VAMP7: variants seen among roughly 807,000 people sequenced by gnomAD.
VAMP7 encodes vesicle associated membrane protein 7, also known as vesicle-associated membrane protein 7.
VAMP7 carries 14 observed loss-of-function variants against 29.6 expected under a neutral mutation model. The observed-to-expected ratio is 0.47, with a 90% CI of 0.31 to 0.74. The LOEUF is 0.74. Among genes scored for constraint, VAMP7 ranks in the 30% least tolerant of loss-of-function variants. The pLI, the probability that VAMP7 is intolerant of heterozygous loss-of-function variation, is 0.05. For missense variants in VAMP7, 223 were observed against 262.4 expected (o/e 0.85, Z 1.04); for synonymous variants, 95 against 88.1 (o/e 1.08, Z -0.44).
At chrX:155,925,600 G>A (rs1416805555) in intron 6 of VAMP7, among the ~76,000 whole-genome samples, 2 of 152,238 alleles carry the variant, frequency 1.3e-5, no homozygotes, top group Non-Finnish European at 2.9e-5. Flanking sequence ...TATGCAAGAT[G>A]AACATTGGTT....
chrX:155,909,308 A>AG (rs2066199369), intron 5 of VAMP7, among the ~76,000 whole-genome samples: 1 of 152,058 alleles, frequency 6.6e-6, no homozygotes, highest in Admixed American at 6.6e-5. Context: ...TTCATTTTGT[A>AG]AGTTTGGTGG....
intron 4 of VAMP7, 81 bp from the exon 5 acceptor site, chrX:155,900,416 T>C: frequency 9.2e-7 from 1 of 1,082,602 alleles, no homozygotes; most frequent in Non-Finnish European, 1.4e-6. Flanking sequence ...TTCCTCAGTG[T>C]AAATTGTCAT....
At chrX:155,919,480 G>C (rs1297798421) in intron 5 of VAMP7, among the ~76,000 whole-genome samples, 1 of 152,116 alleles carries the variant, frequency 6.6e-6, no homozygotes, top group African/African-American at 2.4e-5. Context: ...CTATGGTGTT[G>C]GTTGGGCAGG....
chrX:155,906,914 C>A (rs1287616938), intron 5 of VAMP7, among the ~76,000 whole-genome samples: 1 of 152,134 alleles, frequency 6.6e-6, no homozygotes, highest in Non-Finnish European at 1.5e-5. Flanking sequence ...CTTGAAGAAT[C>A]TTCCACAATT....
intron 3 of VAMP7, among the ~76,000 whole-genome samples, chrX:155,896,821 T>C (rs2065994212): frequency 6.6e-6 from 1 of 152,198 alleles, no homozygotes; most frequent in South Asian, 2.1e-4. Context: ...TCCTAATCTT[T>C]ATTGTATCAC....
At chrX:155,902,091 C>T (rs2066071313) in intron 5 of VAMP7, among the ~76,000 whole-genome samples, 1 of 152,080 alleles carries the variant, frequency 6.6e-6, no homozygotes, top group Admixed American at 6.6e-5. Context: ...CCTTCACATC[C>T]CTTGTAAGTT....
At chrX:155,915,999 T>G (rs1333105472) in intron 5 of VAMP7, among the ~76,000 whole-genome samples, 1 of 152,184 alleles carries the variant, frequency 6.6e-6, no homozygotes, top group East Asian at 1.9e-4. Context: ...TGAGTCTCTT[T>G]GTAGGTCTGT....
chrX:155,942,243 T>A lies in VAMP7; in HGVS notation c.*292T>A. 2 of 1,424,458 alleles carry A rather than the reference T, an allele frequency of 1.4e-6. No individual in the cohort carries two copies. The highest frequency in any genetic ancestry group is 5.0e-5 in the East Asian group (2 of 40,114). The allele number at this position is 1,424,458 out of a possible 1,614,324, so 88.2% of individuals were successfully genotyped here. On this transcript the variant is annotated 3_prime_UTR_variant, in exon 8 of 8. Coordinates refer to ENST00000286448, the MANE Select transcript of VAMP7 (RefSeq NM_005638.6). ...ATCTATTTAGAGAAACATTTTTGTTTTTAATTGCTCAAAGCTGTCGCCGCT... is the reference window on the plus strand; with the variant it reads ...ATCTATTTAGAGAAACATTTTTGTTATTAATTGCTCAAAGCTGTCGCCGCT...
intron 5 of VAMP7, among the ~76,000 whole-genome samples, chrX:155,912,843 T>C (rs1280864604): frequency 6.6e-6 from 1 of 152,178 alleles, no homozygotes; most frequent in Admixed American, 6.5e-5. Context: ...GTCTTTATAG[T>C]AAAATGATTT....
At chrX:155,922,558 A>G (rs1473147599) in intron 6 of VAMP7, among the ~76,000 whole-genome samples, 2 of 152,068 alleles carry the variant, frequency 1.3e-5, no homozygotes, top group African/African-American at 4.8e-5. Context: ...CATTCCTGCA[A>G]GGTCATGACT....
intron 5 of VAMP7, among the ~76,000 whole-genome samples, chrX:155,906,637 T>A (rs1185576860): frequency 1.3e-5 from 2 of 152,190 alleles, no homozygotes; most frequent in African/African-American, 4.8e-5. Context: ...TGTATAGAAA[T>A]TTTATTGATT....
intron 6 of VAMP7, among the ~76,000 whole-genome samples, chrX:155,929,492 T>A (rs1398400431): frequency 6.6e-6 from 1 of 152,154 alleles, no homozygotes; most frequent in Non-Finnish European, 1.5e-5. Flanking sequence ...GTCCCCATAC[T>A]CATGTCTTCT....
chrX:155,928,569 C>A (rs183889609), intron 6 of VAMP7, among the ~76,000 whole-genome samples: 3 of 152,226 alleles, frequency 2.0e-5, no homozygotes, highest in Admixed American at 2.0e-4. Context: ...GTGTGTCAAG[C>A]CTCCATCTAC....
chrX:155,919,303 A>G (rs1004715489), intron 5 of VAMP7, among the ~76,000 whole-genome samples: 23 of 151,666 alleles, frequency 1.5e-4, no homozygotes, highest in Admixed American at 6.6e-5. Context: ...CAGGTTTTCT[A>G]TTTCTTTCTG....
rs1569454004 is a variant in VAMP7, at chrX:155,942,079, TA to T, written c.*132del. On this transcript the variant is annotated 3_prime_UTR_variant, in exon 8 of 8. Coordinates refer to ENST00000286448, the MANE Select transcript of VAMP7 (RefSeq NM_005638.6). ...TCTCTTCAACCCTCTTCTCACTTTT[TA>T]AAATCTTGTTCCATGCCTCCAGGTT... The T allele has an allele frequency of 2.5e-6, 4 of 1,569,886 alleles. No homozygotes were observed. In the South Asian group the frequency reaches 3.5e-5, roughly 14 times the overall value.
chrX:155,912,457 C>T (rs1020363839), intron 5 of VAMP7, among the ~76,000 whole-genome samples: 21 of 152,162 alleles, frequency 1.4e-4, no homozygotes, highest in African/African-American at 5.1e-4. Flanking sequence ...GTTTGCTGCA[C>T]CCATTAACCC....
At chrX:155,892,858 T>G (rs2065941485) in intron 2 of VAMP7, among the ~76,000 whole-genome samples, 1 of 152,034 alleles carries the variant, frequency 6.6e-6, no homozygotes, top group South Asian at 2.1e-4. Flanking sequence ...GTTCAAGTGA[T>G]TATCCTGCCT....
At chrX:155,886,387 G>A (rs1229371615) in intron 1 of VAMP7, among the ~76,000 whole-genome samples, 1 of 152,170 alleles carries the variant, frequency 6.6e-6, no homozygotes, top group Non-Finnish European at 1.5e-5. Flanking sequence ...TGGAAGGAAA[G>A]TAAAGTTTCT....
At chrX:155,907,884 G>C (rs953287490) in intron 5 of VAMP7, among the ~76,000 whole-genome samples, 10 of 152,268 alleles carry the variant, frequency 6.6e-5, no homozygotes, top group South Asian at 2.1e-4. Context: ...TTCTCAGACA[G>C]GGCGGCCGGG....
Sources: allele counts gnomAD v4.1 joint callset (sites outside exome capture counted in the v4.1 genomes callset), GRCh38; gene constraint gnomAD v4.1.1; transcripts MANE v1.5; gene names NCBI Gene and HGNC (gene_info 2026-07-23, HGNC 2026-07-21).